The following CUL4A variants were observed in gnomAD, a reference collection of about 807,000 sequenced individuals.
CUL4A encodes the protein cullin 4A, also known as cullin-4A.
Under a neutral mutation model 95.5 loss-of-function variants are expected in CUL4A, and 16 were observed. The ratio of observed to expected loss-of-function variants is 0.17; its 90% CI spans 0.11 to 0.25. The LOEUF is 0.25. Among genes scored for constraint, CUL4A ranks in the 10% least tolerant of loss-of-function variants. The pLI is 1.00. For synonymous variants in CUL4A, 380 were observed against 353.1 expected, an observed-to-expected ratio of 1.08 and a Z score of -0.85; for missense variants, 610 against 937.0, an observed-to-expected ratio of 0.65 and a Z score of 4.56.
chr13:113,238,101 T>G (rs944736982), intron 9 of CUL4A, among the ~76,000 whole-genome samples: 2 of 152,082 alleles, frequency 1.3e-5, no homozygotes, highest in African/African-American at 2.4e-5. Context: ...AACAAATGCA[T>G]TCAGAATTTG....
chr13:113,253,009 C>A, intron 15 of CUL4A, 73 bp from the exon 16 acceptor site: 1 of 632,164 alleles, frequency 1.6e-6, no homozygotes. Context: ...TTGTAAAACT[C>A]TGTGCATTGA....
At chr13:113,220,242 G>A (rs1199215989) in intron 3 of CUL4A, among the ~76,000 whole-genome samples, 1 of 152,220 alleles carries the variant, frequency 6.6e-6, no homozygotes, top group East Asian at 1.9e-4. Context: ...CAGGGTGAGA[G>A]GTCTCTGTTT....
intron 15 of CUL4A, among the ~76,000 whole-genome samples, chr13:113,246,935 C>T (rs900227310): frequency 6.6e-6 from 1 of 152,140 alleles, no homozygotes; most frequent in Non-Finnish European, 1.5e-5. Context: ...TAAAGGAATA[C>T]CTGGGGCTGG....
rs1015098021 is a variant in CUL4A at position 113,254,299 on chromosome 13, C to T, written c.1753-394C>T. On this transcript the variant is annotated intron_variant, in intron 16 of 19. Coordinates refer to ENST00000375440, the MANE Select transcript of CUL4A (RefSeq NM_001008895.4). ...GATATATAAGGCCAAATTGCATTCACCCCTACGTTACAGTCAGTCCCGTAT... is the reference window on the plus strand; with the variant it reads ...GATATATAAGGCCAAATTGCATTCATCCCTACGTTACAGTCAGTCCCGTAT... 2.6e-5 allele frequency among the ~76,000 whole-genome samples: 4 copies of T among 152,192 alleles called. No homozygotes were observed. The East Asian group carries it at 7.7e-4, about 29-fold the overall frequency.
Position 113,255,011 on chromosome 13 carries a change from G to A in CUL4A, c.1917G>A (p.Leu639=). ...TGGCCTGTGGCAAAGCACGTGTGCT[G>A]ATTAAAAGTCCCAAAGGAAAGGAAG... ...QSLACGKARV[L]IKSPKGKEVE... The change falls in exon 18 of 20, where the codon CTG becomes CTA. Residue 639 remains leucine (L), a synonymous_variant. Coordinates refer to ENST00000375440, the MANE Select transcript of CUL4A (RefSeq NM_001008895.4). 1 of 1,614,174 alleles carries A rather than the reference G, an allele frequency of 6.2e-7. No homozygotes were observed. The highest frequency in any genetic ancestry group is 1.6e-4 in the Middle Eastern group (1 of 6,062).
intron 2 of CUL4A, among the ~76,000 whole-genome samples, chr13:113,213,101 TGA>T (rs1276988536): frequency 6.6e-6 from 1 of 151,984 alleles, no homozygotes; most frequent in African/African-American, 2.4e-5. Context: ...TTAACAGTAT[TGA>T]GAGTCTGGGC....
At chr13:113,242,865 AAG>A in intron 10 of CUL4A, 101 bp from the exon 11 acceptor site, 1 of 854,550 alleles carries the variant, frequency 1.2e-6, no homozygotes, top group Non-Finnish European at 1.8e-6. Context: ...ATTTACTACT[AAG>A]AGTAATTTAT....
chr13:113,211,669 G>A (rs2040451149), intron 2 of CUL4A, among the ~76,000 whole-genome samples: 1 of 152,222 alleles, frequency 6.6e-6, no homozygotes, highest in African/African-American at 2.4e-5. Flanking sequence ...ACCAGCATAA[G>A]CCACCGCGCC....
At position 113,243,008 on chromosome 13, in the gene CUL4A, A is replaced by G. The variant is rs771400650; in HGVS notation, c.1076A>G (p.Lys359Arg). The G allele has an allele frequency of 3.1e-6, 5 of 1,612,990 alleles. No individual in the cohort carries two copies. The East Asian group carries it at 1.1e-4, about 36-fold the overall frequency. The change falls in exon 11 of 20, where the codon AAA becomes AGA. Residue 359 changes from lysine (K) to arginine (R), a missense_variant. Lys to Arg is a conservative substitution (Grantham distance 26). Around this residue, in one of 10 missense-constraint regions of CUL4A, gnomAD observed 153 missense variants for 244.5 expected, o/e 0.63. Coordinates refer to ENST00000375440, the MANE Select transcript of CUL4A (RefSeq NM_001008895.4). ...ATCGTAATCAATCCTGAGAAAGACA[A>G]AGACATGGTCCAAGACCTGTTGGAC... ...TAIVINPEKD[K>R]DMVQDLLDFK...
At position 113,243,105 on chromosome 13, in the gene CUL4A, G is replaced by A. The variant is rs879846799; in HGVS notation, c.1173G>A (p.Lys391=). The A allele has an allele frequency of 2.5e-6, 4 of 1,614,056 alleles. No individual in the cohort carries two copies. The highest frequency in any genetic ancestry group is 1.3e-5 in the African/African-American group (1 of 74,920). The change falls in exon 11 of 20, where the codon AAG becomes AAA. Residue 391 remains lysine, a synonymous_variant. Coordinates refer to ENST00000375440, the MANE Select transcript of CUL4A (RefSeq NM_001008895.4). ...ATGAGCGGTTCGTCAACCTGATGAA[G>A]GAGTCCTTTGAGACGTTCATCAACA... is the stretch of plus-strand genomic sequence containing the variant. ...QKNERFVNLM[K]ESFETFINKR...
At chr13:113,253,658 CT>C (rs2042050008) in intron 16 of CUL4A, among the ~76,000 whole-genome samples, 1 of 152,152 alleles carries the variant, frequency 6.6e-6, no homozygotes, top group Admixed American at 6.5e-5. Flanking sequence ...GCATTGTGAA[CT>C]TTGGCAACCC....
intron 3 of CUL4A, among the ~76,000 whole-genome samples, chr13:113,226,623 T>G (rs1486585012): frequency 6.6e-6 from 1 of 152,210 alleles, no homozygotes; most frequent in East Asian, 1.9e-4. Context: ...AAAATACACA[T>G]TCTAAGAGTC....
chr13:113,262,240 G>A (rs1285421210), intron 19 of CUL4A, among the ~76,000 whole-genome samples: 1 of 152,246 alleles, frequency 6.6e-6, no homozygotes, highest in Non-Finnish European at 1.5e-5. Flanking sequence ...CCTCTGGGCA[G>A]AGACAGGCTG....
intron 7 of CUL4A, 78 bp downstream of exon 7, chr13:113,234,064 G>T: frequency 1.3e-6 from 1 of 798,712 alleles, no homozygotes; most frequent in Non-Finnish European, 2.1e-6. Context: ...CCTCATGTTT[G>T]CCTTTTCACA....
At chr13:113,229,558 A>C in intron 5 of CUL4A, 39 bp downstream of exon 5, 1 of 1,544,596 alleles carries the variant, frequency 6.5e-7, no homozygotes, top group South Asian at 1.1e-5. Flanking sequence ...TCTTCCCTGC[A>C]GCTGATGCTT....
intron 3 of CUL4A, among the ~76,000 whole-genome samples, chr13:113,221,694 C>T (rs1395519983): frequency 6.6e-6 from 1 of 152,156 alleles, no homozygotes; most frequent in African/African-American, 2.4e-5. Flanking sequence ...TCTCCTGCCT[C>T]GGCCTTTCCA....
At chr13:113,245,914 A>T in intron 14 of CUL4A, 42 bp from the exon 15 acceptor site, 2 of 1,395,588 alleles carry the variant, frequency 1.4e-6, no homozygotes, top group Non-Finnish European at 2.0e-6. Flanking sequence ...ATTATGTTTT[A>T]TTACTTTCTC....
intron 15 of CUL4A, among the ~76,000 whole-genome samples, chr13:113,250,085 A>G (rs2041956065): frequency 6.6e-6 from 1 of 152,126 alleles, no homozygotes; most frequent in African/African-American, 2.4e-5. Context: ...AAAGTTTTTA[A>G]TTATGGTAAA....
chr13:113,212,620 C>G (rs1486936622), intron 2 of CUL4A, among the ~76,000 whole-genome samples: 1 of 152,138 alleles, frequency 6.6e-6, no homozygotes, highest in African/African-American at 2.4e-5. Flanking sequence ...CCCATCTCTA[C>G]TAAAAGTACA....
Sources: gnomAD v4.1 joint callset for allele counts (sites outside exome capture counted in the v4.1 genomes callset) on GRCh38, gnomAD v4.1.1 for gene constraint, gnomAD v4.1.1 regional missense constraint, MANE v1.5 for transcripts, NCBI Gene and HGNC (gene_info 2026-07-23, HGNC 2026-07-21) for gene names.